The following RELB variants were observed in gnomAD, a reference collection of about 807,000 sequenced individuals.
The protein encoded by RELB is RELB proto-oncogene, NF-kB subunit.
RELB carries 14 observed loss-of-function variants against 55.4 expected under a neutral mutation model. That is an observed-to-expected ratio of 0.25 (90% CI 0.17 to 0.40). The LOEUF is 0.40. Among genes scored for constraint, RELB ranks in the 10% least tolerant of loss-of-function variants. The pLI is 1.00. For missense variants in RELB, 669 were observed against 830.7 expected (o/e 0.81, Z 2.39); for synonymous variants, 409 against 371.3 (o/e 1.10, Z -1.17).
At position 45,029,035 on chromosome 19, in the gene RELB, G is replaced by C. The variant is rs1334281253; in HGVS notation, c.991+43G>C. ...GCAAGCTTGGGCAGAGCGGGGTCTG[G>C]CAACTTGGAGGGGTAGCCAGGGAGC... On this transcript the variant is annotated intron_variant, in intron 8 of 11. Transcript: ENST00000221452. 2.2e-6 allele frequency: 3 copies of C among 1,376,662 alleles called. No individual in the cohort carries two copies. In the Admixed American group the frequency reaches 5.9e-5, roughly 27 times the overall value. The allele number at this position is 1,376,662 out of a possible 1,614,324, so 85.3% of individuals were successfully genotyped here. A position where few individuals can be genotyped will look rare whatever the true frequency, so the allele number is the denominator to read the frequency against.
chr19:45,023,418 T>TTCCTTCCTTCCTTCCTTCCC (rs2044039803), intron 5 of RELB, among the ~76,000 whole-genome samples: 1 of 151,360 alleles, frequency 6.6e-6, no homozygotes. Context: ...CCTTCCTTCC[T>TTCCTTCCTTCCTTCCTTCCC]TCCTTCCTTC....
intron 3 of RELB, among the ~76,000 whole-genome samples, chr19:45,010,968 G>C (rs1468856675): frequency 6.6e-6 from 1 of 152,134 alleles, no homozygotes; most frequent in African/African-American, 2.4e-5. Flanking sequence ...TGATTCTCCT[G>C]CCTCTGCCTC....
intron 4 of RELB, among the ~76,000 whole-genome samples, chr19:45,020,793 A>G (rs540946901): frequency 3.2e-4 from 48 of 148,148 alleles, no homozygotes; most frequent in Non-Finnish European, 6.1e-4. Flanking sequence ...TCCTGACCTC[A>G]TGATCTGCCC....
chr19:45,002,115 C>A (rs948303112), intron 1 of RELB, among the ~76,000 whole-genome samples: 26 of 125,614 alleles, frequency 2.1e-4, no homozygotes, highest in Non-Finnish European at 8.3e-5. Flanking sequence ...GGGGGCGGGG[C>A]CTGGCCGTGA....
At chr19:45,019,206 G>A (rs1329272644) in intron 4 of RELB, among the ~76,000 whole-genome samples, 1 of 152,004 alleles carries the variant, frequency 6.6e-6, no homozygotes, top group Admixed American at 6.6e-5. Flanking sequence ...GGGACTACAG[G>A]TGCATTCCAC....
chr19:45,032,723 CT>C lies in RELB; in HGVS notation c.1184del (p.Phe395SerfsTer28). ...LTDGVCSEPL[P>X]FTYLPRDHDS... The stretch of plus-strand genomic sequence containing the variant: ...GATGGGGTCTGCAGCGAGCCATTGC[CT>C]TTCACGTACCTGCCTCGCGACCATG... On this transcript the variant is annotated frameshift_variant, in exon 9 of 12. Coordinates refer to ENST00000221452, the MANE Select transcript of RELB (RefSeq NM_006509.4). LOFTEE classifies it high-confidence loss of function. 6.2e-7 allele frequency: 1 copy of C among 1,608,826 alleles called. No homozygotes were observed. The highest frequency in any genetic ancestry group is 8.5e-7 in the Non-Finnish European group (1 of 1,177,654).
chr19:45,010,118 AG>A (rs1429410616), intron 3 of RELB, among the ~76,000 whole-genome samples: 9 of 151,050 alleles, frequency 6.0e-5, no homozygotes, highest in African/African-American at 2.2e-4. Flanking sequence ...TGGGTAACAT[AG>A]TGAGACCCCC....
chr19:45,027,887 TA>T (rs1436323906), intron 7 of RELB, among the ~76,000 whole-genome samples: 1 of 152,132 alleles, frequency 6.6e-6, no homozygotes, highest in Admixed American at 6.6e-5. Context: ...TTATTTTTAT[TA>T]TTTTTTTTTA....
chr19:45,021,838 G>A (rs940528663), intron 4 of RELB: 9 of 465,892 alleles, frequency 1.9e-5, no homozygotes, highest in Middle Eastern at 5.6e-4. Context: ...GCCTTCCAAC[G>A]TGCTGGGATT....
chr19:45,002,169 A>C, intron 1 of RELB, among the ~76,000 whole-genome samples: 2 of 63,546 alleles, frequency 3.1e-5, no homozygotes, highest in East Asian at 3.8e-4. Context: ...AAGAAGGGGA[A>C]GGGGCGGGGC....
rs1272849229 is a variant in RELB, at chr19:45,013,834, A to AAAAAAG, written c.504+1576_504+1581dup. 3.3e-5 allele frequency among the ~76,000 whole-genome samples: 5 copies of AAAAAAG among 152,056 alleles called. No individual in the cohort carries two copies. In the East Asian group the frequency reaches 5.8e-4, roughly 18 times the overall value. On this transcript the variant is annotated intron_variant, in intron 4 of 11. Transcript: ENST00000221452. ...GCGACAAGAGCAAAACTCCTTCTAA[A>AAAAAAG]AAAAAGAAAAAGAAAAAGAAAAAAA...
intron 4 of RELB, among the ~76,000 whole-genome samples, chr19:45,012,873 A>G (rs1301145102): frequency 6.6e-6 from 1 of 151,810 alleles, no homozygotes; most frequent in Non-Finnish European, 1.5e-5. Flanking sequence ...AGACGGCAAA[A>G]CCCCATCTCT....
At chr19:45,037,302 C>G (rs921185064) in intron 11 of RELB, 103 bp from the exon 12 acceptor site, 10 of 1,249,458 alleles carry the variant, frequency 8.0e-6, no homozygotes, top group Admixed American at 2.7e-5. Context: ...AAAAAAAGGC[C>G]ACCTTGATAT....
chr19:45,007,831 G>A (rs1971300723), intron 2 of RELB, among the ~76,000 whole-genome samples: 1 of 150,240 alleles, frequency 6.7e-6, no homozygotes, highest in South Asian at 2.1e-4. Flanking sequence ...CTGTACTCCA[G>A]CCTGGGTGAC....
At chr19:45,002,907 C>CT in intron 1 of RELB, 42 bp from the exon 2 acceptor site, 1 of 1,570,518 alleles carries the variant, frequency 6.4e-7, no homozygotes, top group Non-Finnish European at 8.7e-7. Context: ...GGTCCTCTGG[C>CT]TGCCCCCCAT....
At chr19:45,033,363 G>T (rs1971647891) in intron 9 of RELB, among the ~76,000 whole-genome samples, 1 of 152,110 alleles carries the variant, frequency 6.6e-6, no homozygotes, top group Non-Finnish European at 1.5e-5. Flanking sequence ...GCCGGATTGT[G>T]CCTGGGGTGC....
Position 45,032,822 on chromosome 19 carries a change from G to A in RELB, c.1207+73G>A, listed in dbSNP as rs535839802. 6.3e-6 allele frequency: 8 copies of A among 1,273,452 alleles called. 1 individual carries two copies. The East Asian group carries it at 7.6e-5, about 12-fold the overall frequency. 78.9% of individuals were successfully genotyped at this position (1,273,452 alleles called of 1,614,324 possible). On this transcript the variant is annotated intron_variant, in intron 9 of 11. Transcript: ENST00000221452. ...TTGGCCTTGGGGAGACCCCAGTGGGGATGGGAAAGAGGCAGAACTAGAATG... is the reference window on the plus strand; with the variant it reads ...TTGGCCTTGGGGAGACCCCAGTGGGAATGGGAAAGAGGCAGAACTAGAATG...
intron 5 of RELB, among the ~76,000 whole-genome samples, chr19:45,023,952 C>T (rs1244176132): frequency 8.1e-6 from 1 of 122,906 alleles, no homozygotes; most frequent in Non-Finnish European, 1.7e-5. Flanking sequence ...GGTTTCACCA[C>T]GTTGGTCAGG....
At chr19:45,030,748 G>T (rs923225770) in intron 8 of RELB, among the ~76,000 whole-genome samples, 6 of 152,224 alleles carry the variant, frequency 3.9e-5, no homozygotes, top group African/African-American at 1.4e-4. Flanking sequence ...AGTGAGCTAT[G>T]ATGGTGCCAC....
Sources: allele counts gnomAD v4.1 joint callset (sites outside exome capture counted in the v4.1 genomes callset), GRCh38; gene constraint gnomAD v4.1.1; transcripts MANE v1.5; gene names NCBI Gene and HGNC (gene_info 2026-07-23, HGNC 2026-07-21).